MYOCD: variants seen among roughly 807,000 people sequenced by gnomAD.
MYOCD encodes the protein myocardin.
A neutral mutation model predicts 96.1 loss-of-function variants in MYOCD; 32 were observed. The ratio of observed to expected loss-of-function variants is 0.33; its 90% CI spans 0.25 to 0.45. The LOEUF (loss-of-function observed/expected upper bound fraction) is 0.45. Ranked by LOEUF, MYOCD falls within the 20% of genes least tolerant of loss-of-function variation. The pLI, the probability that MYOCD is intolerant of heterozygous loss-of-function variation, is 1.00. For synonymous variants in MYOCD, 469 were observed against 469.0 expected (o/e 1.00, Z 0.00); for missense variants, 1,133 against 1,200.6 (o/e 0.94, Z 0.83).
chr17:12,744,817 G>A (rs573278672), intron 8 of MYOCD, among the ~76,000 whole-genome samples: 88 of 152,324 alleles, frequency 5.8e-4, no homozygotes, highest in Middle Eastern at 3.4e-3. Flanking sequence ...AACAATTATA[G>A]CAAGATACTG....
chr17:12,672,458 G>A (rs1909762875), intron 1 of MYOCD, among the ~76,000 whole-genome samples: 1 of 152,190 alleles, frequency 6.6e-6, no homozygotes, highest in Admixed American at 6.5e-5. Flanking sequence ...AAGCTGTCAA[G>A]CTTTACGTAA....
At chr17:12,703,801 A>C (rs1451134653) in intron 1 of MYOCD, among the ~76,000 whole-genome samples, 3 of 151,876 alleles carry the variant, frequency 2.0e-5, no homozygotes, top group African/African-American at 4.8e-5. Flanking sequence ...TCTGTCTTCA[A>C]GTTTACTGAC....
chr17:12,699,312 A>G (rs12941146), intron 1 of MYOCD, among the ~76,000 whole-genome samples: 74,834 of 151,686 alleles, frequency 0.49, 20,901 homozygotes, highest in Non-Finnish European at 0.63. Context: ...TTTAGTAGAG[A>G]TGGGGTTTCA....
At chr17:12,690,759 G>GC (rs947380477) in intron 1 of MYOCD, among the ~76,000 whole-genome samples, 8 of 152,080 alleles carry the variant, frequency 5.3e-5, no homozygotes, top group Non-Finnish European at 7.4e-5. Context: ...TGTTTATCAA[G>GC]CCCCCCTAGG....
At chr17:12,734,441 CT>C (rs200103258) in intron 5 of MYOCD, among the ~76,000 whole-genome samples, 1,652 of 151,838 alleles carry the variant, frequency 0.011, 37 homozygotes, top group African/African-American at 0.038. Flanking sequence ...ACTTAACCCC[CT>C]AACCCCCATC....
intron 9 of MYOCD, 21 bp downstream of exon 9, chr17:12,746,093 T>G (rs778853889): frequency 1.2e-6 from 2 of 1,610,272 alleles, no homozygotes; most frequent in East Asian, 4.5e-5. Flanking sequence ...TGACATGAGT[T>G]TCTTTCTTTT....
intron 1 of MYOCD, among the ~76,000 whole-genome samples, chr17:12,688,308 T>A (rs1471456534): frequency 6.6e-6 from 1 of 152,210 alleles, no homozygotes; most frequent in Non-Finnish European, 1.5e-5. Flanking sequence ...AGATCGCTTA[T>A]AGGAATGATC....
intron 4 of MYOCD, among the ~76,000 whole-genome samples, chr17:12,722,372 G>C (rs546601981): frequency 6.6e-6 from 1 of 151,540 alleles, no homozygotes; most frequent in Non-Finnish European, 1.5e-5. Flanking sequence ...TTTTTCTTTC[G>C]CAACTGACCT....
chr17:12,697,300 G>A (rs932493369), intron 1 of MYOCD, among the ~76,000 whole-genome samples: 9 of 143,508 alleles, frequency 6.3e-5, no homozygotes, highest in South Asian at 4.4e-4. Context: ...GTTCCAATTC[G>A]CTGAGGAATC....
chr17:12,729,080 G>T (rs959348169), intron 5 of MYOCD, among the ~76,000 whole-genome samples: 20 of 152,200 alleles, frequency 1.3e-4, no homozygotes, highest in Non-Finnish European at 2.9e-4. Flanking sequence ...TTTGAAGGCA[G>T]CTAGATAATA....
At chr17:12,755,203 T>C (rs1249994470) in intron 10 of MYOCD, among the ~76,000 whole-genome samples, 1 of 152,214 alleles carries the variant, frequency 6.6e-6, no homozygotes, top group Non-Finnish European at 1.5e-5. Context: ...AAATAGCTCT[T>C]GAGACACAGC....
At chr17:12,759,380 A>G (rs911532368) in intron 12 of MYOCD, among the ~76,000 whole-genome samples, 25 of 152,198 alleles carry the variant, frequency 1.6e-4, no homozygotes, top group Admixed American at 1.4e-3. Flanking sequence ...AGCCACAGCT[A>G]TGCTCTGCTC....
chr17:12,715,665 C>A, intron 3 of MYOCD, 91 bp downstream of exon 3: 1 of 974,278 alleles, frequency 1.0e-6, no homozygotes, highest in East Asian at 2.6e-5. Context: ...AGAATTCCTA[C>A]AACAAACACA....
intron 5 of MYOCD, among the ~76,000 whole-genome samples, chr17:12,729,738 A>AT (rs1401939871): frequency 1.3e-5 from 2 of 152,014 alleles, no homozygotes; most frequent in African/African-American, 4.8e-5. Flanking sequence ...CACCTGGCTA[A>AT]TTTTTGTATT....
At chr17:12,670,483 G>A (rs983747342) in intron 1 of MYOCD, among the ~76,000 whole-genome samples, 11 of 151,906 alleles carry the variant, frequency 7.2e-5, no homozygotes, top group Non-Finnish European at 1.6e-4. Flanking sequence ...CTAAGAAGTC[G>A]GTCCCCAAGA....
At chr17:12,761,437 G>A (rs2033167723) in intron 13 of MYOCD, 1 of 152,178 alleles carries the variant, frequency 6.6e-6, no homozygotes, top group Admixed American at 6.5e-5. Context: ...TTCCTATGGA[G>A]TTTACAGTCT....
At position 12,745,982 on chromosome 17, in the gene MYOCD, C is replaced by T. The variant is rs775144384; in HGVS notation, c.1035C>T (p.Pro345=). 1 of 1,614,226 alleles carries T rather than the reference C, an allele frequency of 6.2e-7. No individual in the cohort carries two copies. The highest frequency in any genetic ancestry group is 8.5e-7 in the Non-Finnish European group (1 of 1,180,032). Residue 345 remains proline, a synonymous_variant, in exon 9 of 14, where the codon CCC becomes CCT. Coordinates refer to ENST00000425538, the MANE Select transcript of MYOCD (RefSeq NM_001146312.3). ...CTTCAACGCCACTGAGCAATACCCC[C>T]TTGTCTCCTGTCAAAAACAGTTTTT... ...NSSSTPLSNT[P]LSPVKNSFSG...
At chr17:12,708,552 C>G (rs1381052935) in intron 2 of MYOCD, among the ~76,000 whole-genome samples, 1 of 152,076 alleles carries the variant, frequency 6.6e-6, no homozygotes, top group African/African-American at 2.4e-5. Flanking sequence ...GCCACCATGC[C>G]TGGCTAATTT....
rs2033385054 is a variant in MYOCD at position 12,767,991 on chromosome 17, C to T, written c.*4347C>T. ...CCCCCCACAGCCCTCAGCTGCCTTC[C>T]TCACAGAAGGAAGTTCCCAAAATTG... On this transcript the variant is annotated 3_prime_UTR_variant, in exon 14 of 14. Transcript: ENST00000425538. 6.6e-6 allele frequency: 1 copy of T among 152,156 alleles called. No individual in the cohort carries two copies. The highest frequency in any genetic ancestry group is 1.5e-5 in the Non-Finnish European group (1 of 68,048). 9.4% of individuals were successfully genotyped at this position (152,156 alleles called of 1,614,324 possible). A position where few individuals can be genotyped will look rare whatever the true frequency, so the allele number is the denominator to read the frequency against.
Sources: gnomAD v4.1 joint callset for allele counts (sites outside exome capture counted in the v4.1 genomes callset) on GRCh38, gnomAD v4.1.1 for gene constraint, MANE v1.5 for transcripts, NCBI Gene and HGNC (gene_info 2026-07-23, HGNC 2026-07-21) for gene names.